The following ABCB1 variants were observed in gnomAD, a reference collection of about 807,000 sequenced individuals.
The protein encoded by ABCB1 is ATP-dependent translocase ABCB1.
In ABCB1, 69 loss-of-function variants were observed where a neutral mutation model predicts 142.0. The observed-to-expected ratio is 0.49, with a 90% confidence interval of 0.40 to 0.59. ABCB1 has a LOEUF of 0.59. ABCB1 is among the 20% of genes least tolerant of loss of function. The probability of loss-of-function intolerance (pLI) is 0.00; values close to 1 mark genes in which losing one functional copy is unlikely to be tolerated. For missense variants in ABCB1, 1,326 were observed against 1,554.7 expected (o/e 0.85, Z 2.47); for synonymous variants, 532 against 539.2 (o/e 0.99, Z 0.18).
chr7:87,616,009 A>G (rs913051299), intron 1 of ABCB1, among the ~76,000 whole-genome samples: 1 of 152,248 alleles, frequency 6.6e-6, no homozygotes, highest in Non-Finnish European at 1.5e-5. Context: ...GTTCATAGTA[A>G]ATAGAAGGTA....
At chr7:87,710,803 C>G in intron 1 of ABCB1, 1 of 509,180 alleles carries the variant, frequency 2.0e-6, no homozygotes, top group Admixed American at 3.7e-5. Context: ...CCACTGTCTT[C>G]TTAGGAAAAT....
intron 1 of ABCB1, among the ~76,000 whole-genome samples, chr7:87,632,945 G>A (rs962931314): frequency 3.3e-5 from 5 of 152,080 alleles, no homozygotes; most frequent in Admixed American, 3.3e-4. Context: ...TAGCTAGGAG[G>A]GACTAATAAG....
At chr7:87,640,500 C>T (rs551768927) in intron 1 of ABCB1, among the ~76,000 whole-genome samples, 32 of 151,970 alleles carry the variant, frequency 2.1e-4, no homozygotes, top group Non-Finnish European at 4.3e-4. Flanking sequence ...TGCACCACCA[C>T]ACCCAGCTAA....
intron 1 of ABCB1, chr7:87,628,941 T>G (rs1408682276): frequency 1.5e-6 from 2 of 1,310,168 alleles, no homozygotes; most frequent in Non-Finnish European, 9.8e-7. Flanking sequence ...GATCACCGTG[T>G]GCAGGTACGG....
At chr7:87,664,779 A>C in intron 1 of ABCB1, among the ~76,000 whole-genome samples, 1 of 152,174 alleles carries the variant, frequency 6.6e-6, no homozygotes, top group Admixed American at 6.5e-5. Context: ...TCTTAGAAGG[A>C]GAGGAGGAAG....
chr7:87,669,107 G>A (rs1825572113), intron 1 of ABCB1, among the ~76,000 whole-genome samples: 1 of 152,078 alleles, frequency 6.6e-6, no homozygotes, highest in Non-Finnish European at 1.5e-5. Flanking sequence ...TTCCATGGGA[G>A]TTTGTGCCTC....
chr7:87,545,775 C>A, intron 15 of ABCB1, 88 bp downstream of exon 15: 1 of 1,407,236 alleles, frequency 7.1e-7, no homozygotes, highest in Non-Finnish European at 9.8e-7. Context: ...GTAAGGTAAT[C>A]AAATCAAATA....
chr7:87,631,365 G>A (rs1263865715), intron 1 of ABCB1, among the ~76,000 whole-genome samples: 1 of 152,136 alleles, frequency 6.6e-6, no homozygotes, highest in African/African-American at 2.4e-5. Flanking sequence ...TTTCACTCAT[G>A]TCTCTTATGA....
intron 8 of ABCB1, among the ~76,000 whole-genome samples, chr7:87,558,611 G>T (rs986767599): frequency 1.3e-4 from 20 of 151,626 alleles, no homozygotes; most frequent in Non-Finnish European, 2.4e-4. Context: ...AAACACATTT[G>T]CCTCATTCAT....
intron 4 of ABCB1, 136 bp from the exon 5 acceptor site, chr7:87,570,359 G>T (rs1817997320): frequency 3.5e-6 from 3 of 861,990 alleles, no homozygotes; most frequent in African/African-American, 1.7e-5. Flanking sequence ...TTTTAATTGT[G>T]TGTAAGCATT....
At chr7:87,562,280 A>G (rs1390950897) in intron 7 of ABCB1, among the ~76,000 whole-genome samples, 1 of 152,222 alleles carries the variant, frequency 6.6e-6, no homozygotes, top group Non-Finnish European at 1.5e-5. Flanking sequence ...TGCTGCACGT[A>G]CCTAGCCTCT....
At chr7:87,635,231 C>G (rs1821642052) in intron 1 of ABCB1, among the ~76,000 whole-genome samples, 1 of 152,128 alleles carries the variant, frequency 6.6e-6, no homozygotes. Flanking sequence ...CTGCATTGCT[C>G]CACACTCTTC....
intron 17 of ABCB1, 66 bp downstream of exon 17, chr7:87,544,063 C>T (rs1584864462): frequency 1.9e-6 from 3 of 1,583,370 alleles, no homozygotes; most frequent in Non-Finnish European, 2.6e-6. Flanking sequence ...CAGACACAAG[C>T]ACTTTATTCG....
At chr7:87,520,046 A>G (rs1815426179) in intron 22 of ABCB1, among the ~76,000 whole-genome samples, 1 of 152,150 alleles carries the variant, frequency 6.6e-6, no homozygotes, top group African/African-American at 2.4e-5. Flanking sequence ...GACATTCTAG[A>G]ATCATGATAT....
rs901151452 is a variant in ABCB1 at position 87,518,596 on chromosome 7, A to G, written c.2927+730T>C. The stretch of plus-strand genomic sequence containing the variant: ...GACAGAAATACTATACTAACACATT[A>G]TACTGCCAGGCTTATATGATTCTGG... On this transcript the variant is annotated intron_variant, in intron 23 of 27. Coordinates refer to ENST00000622132, the MANE Select transcript of ABCB1 (RefSeq NM_001348946.2). 2.4e-4 allele frequency among the ~76,000 whole-genome samples: 37 copies of G among 152,212 alleles called. 1 individual carries two copies. Among genetic ancestry groups the G allele is most frequent in the Admixed American group, 5.9e-4 (9 of 15,282 alleles).
intron 4 of ABCB1, among the ~76,000 whole-genome samples, chr7:87,585,210 C>A (rs532628440): frequency 1.3e-5 from 2 of 152,316 alleles, no homozygotes; most frequent in African/African-American, 4.8e-5. Context: ...CAGATTCCTA[C>A]TTATCATTCA....
chr7:87,645,085 T>C lies in ABCB1; in HGVS notation c.-330-44007A>G, dbSNP rs189852539. Among the ~76,000 whole-genome samples the C allele has an allele frequency of 6.2e-4, 93 of 150,064 alleles. 1 individual carries two copies. The highest frequency in any genetic ancestry group is 5.6e-4 in the African/African-American group (23 of 41,184). On this transcript the variant is annotated intron_variant, in intron 1 of 28. Coordinates refer to the ABCB1 transcript ENST00000265724. ...AGTCACAATCATGCTTTCTTTCTTT[T>C]TTTTTTTTTTTTTTGAGACAGAGTT...
At chr7:87,646,554 G>C (rs1349081909) in intron 1 of ABCB1, among the ~76,000 whole-genome samples, 1 of 152,146 alleles carries the variant, frequency 6.6e-6, no homozygotes, top group Non-Finnish European at 1.5e-5. Flanking sequence ...TGGATGCAGA[G>C]TTAGCTTTCT....
intron 18 of ABCB1, 27 bp downstream of exon 18, chr7:87,541,330 G>T: frequency 7.3e-7 from 1 of 1,365,542 alleles, no homozygotes; most frequent in Non-Finnish European, 1.0e-6. Flanking sequence ...TTCTCAAAAT[G>T]AATATAGTGA....
Sources: allele counts gnomAD v4.1 joint callset (sites outside exome capture counted in the v4.1 genomes callset), GRCh38; gene constraint gnomAD v4.1.1; transcripts MANE v1.5; gene names NCBI Gene and HGNC (gene_info 2026-07-23, HGNC 2026-07-21).